Variants in GABBR1 observed in about 807,000 individuals in gnomAD.
GABBR1 encodes the protein GABA-B receptor, R1 subunit.
A neutral mutation model predicts 117.7 loss-of-function variants in GABBR1; 35 were observed. The ratio of observed to expected loss-of-function variants is 0.30; its 90% CI spans 0.23 to 0.39. The LOEUF (loss-of-function observed/expected upper bound fraction) is 0.39, where lower values mean the gene tolerates loss of function less well. GABBR1 is among the 10% of genes least tolerant of loss of function. The pLI, the probability that GABBR1 is intolerant of heterozygous loss-of-function variation, is 1.00. For synonymous variants in GABBR1, 442 were observed against 486.6 expected (o/e 0.91, Z 1.21); for missense variants, 709 against 1,241.8 (o/e 0.57, Z 6.45).
Position 29,632,770 on chromosome 6 carries a change from C to T in GABBR1, c.-1+80G>A, listed in dbSNP as rs904757424. The stretch of plus-strand genomic sequence containing the variant: ...CCCAGCCCCGCTTCCCCCAGCTGGG[C>T]CCTGCGCCCACTGCCCCCTCCCCCA... On this transcript the variant is annotated intron_variant, in intron 1 of 22. Coordinates refer to ENST00000377034, the MANE Select transcript of GABBR1 (RefSeq NM_001470.4). This position sits in a 1 kb window ranked among gnomAD's most constrained non-coding sequence, Gnocchi z 5.8. 3.9e-5 allele frequency: 38 copies of T among 985,054 alleles called. No individual in the cohort carries two copies. In the Middle Eastern group the frequency reaches 1.8e-3, roughly 47 times the overall value. 61.0% of individuals were successfully genotyped at this position (985,054 alleles called of 1,614,324 possible). A position where few individuals can be genotyped will look rare whatever the true frequency, so the allele number is the denominator to read the frequency against.
rs150778958 is a variant in GABBR1 at position 29,605,064 on chromosome 6, G to A, written c.2440-76C>T. ...GATCCAGAGTTTACTTCCCATGGGA[G>A]GGAGTCTATGCAGACAGTTTCCTGG... On this transcript the variant is annotated intron_variant, in intron 20 of 22. Transcript: ENST00000377034. The surrounding 1 kb of genome is among the most constrained non-coding windows in gnomAD (Gnocchi z 4.2). 6.6e-5 allele frequency: 95 copies of A among 1,436,568 alleles called. No individual in the cohort carries two copies. The East Asian group carries it at 2.1e-3, about 32-fold the overall frequency. The allele number at this position is 1,436,568 out of a possible 1,614,324, so 89.0% of individuals were successfully genotyped here.
chr6:29,628,947 G>C (rs116624099), intron 5 of GABBR1, 140 bp downstream of exon 5: 1 of 884,228 alleles, frequency 1.1e-6, no homozygotes, highest in African/African-American at 1.6e-5. Flanking sequence ...AGGGAAGGGG[G>C]TGGCCGCAAA....
At chr6:29,629,478 T>A (rs1336970384) in intron 4 of GABBR1, among the ~76,000 whole-genome samples, 1 of 152,194 alleles carries the variant, frequency 6.6e-6, no homozygotes, top group Non-Finnish European at 1.5e-5. Flanking sequence ...CTGCAATTTT[T>A]ACAAAAGCCT....
Position 29,623,020 on chromosome 6 carries a change from T to C in GABBR1, c.963+285A>G, listed in dbSNP as rs1763918030. ...TCCCATCTCTTGCCCCCACTTTGGA[T>C]TGAACCTACTTTAACAGAACTGAGT... On this transcript the variant is annotated intron_variant, in intron 8 of 22. Coordinates refer to ENST00000377034, the MANE Select transcript of GABBR1 (RefSeq NM_001470.4). The surrounding 1 kb of genome is among the most constrained non-coding windows in gnomAD (Gnocchi z 6.2). Among the ~76,000 whole-genome samples the C allele has an allele frequency of 6.6e-6, 1 of 151,954 alleles. No homozygotes were observed. Among genetic ancestry groups the C allele is most frequent in the Non-Finnish European group, 1.5e-5 (1 of 67,986 alleles).
intron 11 of GABBR1, among the ~76,000 whole-genome samples, chr6:29,617,301 C>CT (rs373993426): frequency 0.29 from 34,341 of 119,732 alleles, 5,374 homozygotes; most frequent in East Asian, 0.45. Context: ...TTCTTTCTTT[C>CT]TTTTTTTTTT....
intron 5 of GABBR1, chr6:29,628,226 A>C (rs2127446613): frequency 1.1e-6 from 1 of 940,616 alleles, no homozygotes; most frequent in Non-Finnish European, 1.3e-6. Flanking sequence ...GAGGAAAGGA[A>C]CGAAAGAGGA....
Position 29,606,359 on chromosome 6 carries a change from T to A in GABBR1, c.2311+32A>T. Reference sequence around the variant, plus strand: ...CTGCCTTCCCTCCTGCCTTTGTGCATCCCTGCCCTCCTTTGCCCACATCCC... The same window carrying A: ...CTGCCTTCCCTCCTGCCTTTGTGCAACCCTGCCCTCCTTTGCCCACATCCC... On this transcript the variant is annotated intron_variant, in intron 19 of 22. Coordinates refer to ENST00000377034, the MANE Select transcript of GABBR1 (RefSeq NM_001470.4). The surrounding 1 kb of genome is among the most constrained non-coding windows in gnomAD (Gnocchi z 4.5). The A allele has an allele frequency of 6.6e-7, 1 of 1,517,184 alleles. No individual in the cohort carries two copies. The highest frequency in any genetic ancestry group is 9.2e-7 in the Non-Finnish European group (1 of 1,092,356). The allele number at this position is 1,517,184 out of a possible 1,614,324, so 94.0% of individuals were successfully genotyped here.
intron 6 of GABBR1, 44 bp from the exon 7 acceptor site, chr6:29,624,068 T>A (rs1416762187): frequency 1.3e-6 from 2 of 1,534,548 alleles, no homozygotes; most frequent in Admixed American, 1.9e-5. Context: ...CTGGGGCCCC[T>A]CCCCTGTCTG....
Position 29,607,062 on chromosome 6 carries a change from A to G in GABBR1, c.2109+40T>C, listed in dbSNP as rs111677143. 3,667 of 1,606,382 alleles carry G rather than the reference A, an allele frequency of 2.3e-3. 21 individuals carry two copies. Among genetic ancestry groups the G allele is most frequent in the Middle Eastern group, 0.016 (94 of 6,042 alleles). ...AGGGGAAAATGCTCTGTGCCCCAGG[A>G]GCCAAGGATCTGGGGGCTGAGGATT... On this transcript the variant is annotated intron_variant, in intron 17 of 22. Transcript: ENST00000377034. This position sits in a 1 kb window ranked among gnomAD's most constrained non-coding sequence, Gnocchi z 5.0.
rs1764881384 is a variant in GABBR1, at chr6:29,630,782, A to T, written c.290-139T>A. 1 of 665,182 alleles carries T rather than the reference A, an allele frequency of 1.5e-6. No homozygotes were observed. The highest frequency in any genetic ancestry group is 1.8e-5 in the African/African-American group (1 of 55,190). The allele number at this position is 665,182 out of a possible 1,614,324, so 41.2% of individuals were successfully genotyped here. On this transcript the variant is annotated intron_variant, in intron 3 of 22. Coordinates refer to ENST00000377034, the MANE Select transcript of GABBR1 (RefSeq NM_001470.4). This position sits in a 1 kb window ranked among gnomAD's most constrained non-coding sequence, Gnocchi z 4.9. ...AATCACATGTGAAAAGGATTTGCCT[A>T]CCTATCTTCCAATCCTCCCTTACCT...
In GABBR1 at chr6:29,632,843, C is replaced by T. The variant is rs144479775; in HGVS notation, c.-1+7G>A. 2,448 of 434,894 alleles carry T rather than the reference C, an allele frequency of 5.6e-3. 65 individuals carry two copies. The highest frequency in any genetic ancestry group is 0.038 in the South Asian group (1,317 of 34,858). The allele number at this position is 434,894 out of a possible 1,614,324, so 26.9% of individuals were successfully genotyped here. ...GAGCCCTGCTAACCCGGGGCCCTGG[C>T]TCTTACCTCGGCGCGCGGGCCCGGC... On this transcript the variant is annotated splice_region_variant and intron_variant, in intron 1 of 22. Coordinates refer to ENST00000377034, the MANE Select transcript of GABBR1 (RefSeq NM_001470.4). This position sits in a 1 kb window ranked among gnomAD's most constrained non-coding sequence, Gnocchi z 5.8.
rs749488577 is a variant in GABBR1 at position 29,629,235 on chromosome 6, G to T, written c.476-128C>A. On this transcript the variant is annotated intron_variant, in intron 4 of 22. Coordinates refer to ENST00000377034, the MANE Select transcript of GABBR1 (RefSeq NM_001470.4). ...GGGGAGAGCAGAAGCCTGCGTTTCT[G>T]AGGGGAGGGTGCCTGGGGATAAGAA... is the stretch of plus-strand genomic sequence containing the variant. 2.6e-5 allele frequency: 27 copies of T among 1,047,528 alleles called. No homozygotes were observed. In the South Asian group the frequency reaches 3.0e-4, roughly 12 times the overall value. The allele number at this position is 1,047,528 out of a possible 1,614,324, so 64.9% of individuals were successfully genotyped here.
chr6:29,605,405 T>G lies in GABBR1; in HGVS notation c.2439+164A>C. On this transcript the variant is annotated intron_variant, in intron 20 of 22. Coordinates refer to ENST00000377034, the MANE Select transcript of GABBR1 (RefSeq NM_001470.4). This position sits in a 1 kb window ranked among gnomAD's most constrained non-coding sequence, Gnocchi z 4.2. ...AAGATTAATGATACAATGTCTGTAG[T>G]GAGCTTTGTAAACTGTAAAGTGCTT... 7 of 772,254 alleles carry G rather than the reference T, an allele frequency of 9.1e-6. No homozygotes were observed. Among genetic ancestry groups the G allele is most frequent in the Non-Finnish European group, 1.5e-5 (7 of 472,822 alleles). The allele number at this position is 772,254 out of a possible 1,614,324, so 47.8% of individuals were successfully genotyped here.
rs975509882 is a variant in GABBR1, at chr6:29,607,783, C to T, written c.1993-565G>A. On this transcript the variant is annotated intron_variant, in intron 16 of 22. Coordinates refer to ENST00000377034, the MANE Select transcript of GABBR1 (RefSeq NM_001470.4). This position sits in a 1 kb window ranked among gnomAD's most constrained non-coding sequence, Gnocchi z 5.0. ...TGCCACCTCTTCAGTGAGGTCCACCCAATCACGCCAGCAGTGAACTGTGTT... is the reference window on the plus strand; with the variant it reads ...TGCCACCTCTTCAGTGAGGTCCACCTAATCACGCCAGCAGTGAACTGTGTT... Among the ~76,000 whole-genome samples the T allele has an allele frequency of 3.3e-5, 5 of 152,250 alleles. No individual in the cohort carries two copies. Among genetic ancestry groups the T allele is most frequent in the Non-Finnish European group, 7.3e-5 (5 of 68,042 alleles).
chr6:29,629,283 G>A, intron 4 of GABBR1, 176 bp from the exon 5 acceptor site: 1 of 724,464 alleles, frequency 1.4e-6, no homozygotes, highest in Non-Finnish European at 2.5e-6. Context: ...GGGGGTAAGG[G>A]GGTCAGGACT....
rs1386967678 is a variant in GABBR1 at position 29,632,818 on chromosome 6, G to A, written c.-1+32C>T. 6.9e-6 allele frequency: 4 copies of A among 578,478 alleles called. No individual in the cohort carries two copies. Among genetic ancestry groups the A allele is most frequent in the Non-Finnish European group, 9.3e-6 (4 of 430,944 alleles). 35.8% of individuals were successfully genotyped at this position (578,478 alleles called of 1,614,324 possible). Reference sequence around the variant, plus strand: ...CCACCACGCCGCGCGCCCCCTCTCCGAGCCCTGCTAACCCGGGGCCCTGGC... The same window carrying A: ...CCACCACGCCGCGCGCCCCCTCTCCAAGCCCTGCTAACCCGGGGCCCTGGC... On this transcript the variant is annotated intron_variant, in intron 1 of 22. Coordinates refer to ENST00000377034, the MANE Select transcript of GABBR1 (RefSeq NM_001470.4). This position sits in a 1 kb window ranked among gnomAD's most constrained non-coding sequence, Gnocchi z 5.8.
intron 12 of GABBR1, among the ~76,000 whole-genome samples, chr6:29,612,945 T>C (rs1762705421): frequency 6.6e-6 from 1 of 152,222 alleles, no homozygotes; most frequent in African/African-American, 2.4e-5. Context: ...AATAAGAAGA[T>C]GACCTTTCAG....
Position 29,604,737 on chromosome 6 carries a change from GC to G in GABBR1, c.2569-101del. On this transcript the variant is annotated intron_variant, in intron 21 of 22. Coordinates refer to ENST00000377034, the MANE Select transcript of GABBR1 (RefSeq NM_001470.4). This position sits in a 1 kb window ranked among gnomAD's most constrained non-coding sequence, Gnocchi z 5.3. ...TGGAAGGAATGCTGATAAGAGTTGG[GC>G]CCAAAACAAGGGGAGGAGTGAGAGG... 1 of 1,594,702 alleles carries G rather than the reference GC, an allele frequency of 6.3e-7. No homozygotes were observed. The highest frequency in any genetic ancestry group is 8.6e-7 in the Non-Finnish European group (1 of 1,166,880).
intron 13 of GABBR1, 63 bp downstream of exon 13, chr6:29,612,488 G>A (rs28359967): frequency 1.4e-6 from 2 of 1,419,382 alleles, no homozygotes; most frequent in Non-Finnish European, 2.0e-6. Context: ...CTTCCCCAGG[G>A]GGCATCCCAG....
Sources: gnomAD v4.1 joint callset for allele counts (sites outside exome capture counted in the v4.1 genomes callset) on GRCh38, gnomAD v4.1.1 for gene constraint, Gnocchi (gnomAD v3.1) non-coding constraint, MANE v1.5 for transcripts, NCBI Gene and HGNC (gene_info 2026-07-23, HGNC 2026-07-21) for gene names.